Variants in USH2A observed in about 807,000 individuals in gnomAD.
USH2A encodes the protein Usher syndrome 2A (autosomal recessive, mild).
USH2A carries 443 observed loss-of-function variants against 538.9 expected under a neutral mutation model. The observed-to-expected ratio is 0.82, with a 90% CI of 0.76 to 0.89. USH2A has a LOEUF of 0.89. Ranked by LOEUF, USH2A falls within the 40% of genes least tolerant of loss-of-function variation. The pLI is 0.00. For missense variants in USH2A, 6,633 were observed against 6,324.8 expected (o/e 1.05, Z -1.65); for synonymous variants, 2,413 against 2,273.5 (o/e 1.06, Z -1.75).
intron 47 of USH2A, among the ~76,000 whole-genome samples, chr1:215,824,763 C>T (rs1320374986): frequency 6.6e-6 from 1 of 152,082 alleles, no homozygotes; most frequent in Admixed American, 6.6e-5. Flanking sequence ...CTAAGACGGT[C>T]GGGAAACTGT....
At chr1:216,161,583 A>G (rs1434332253) in intron 21 of USH2A, among the ~76,000 whole-genome samples, 1 of 151,956 alleles carries the variant, frequency 6.6e-6, no homozygotes, top group African/African-American at 2.4e-5. Flanking sequence ...ATTACTTTTT[A>G]TTTACACACC....
chr1:216,397,490 G>T (rs1269893165), intron 3 of USH2A, among the ~76,000 whole-genome samples: 1 of 152,106 alleles, frequency 6.6e-6, no homozygotes, highest in Non-Finnish European at 1.5e-5. Flanking sequence ...AATGTAGGTG[G>T]GTACCATCCA....
intron 32 of USH2A, among the ~76,000 whole-genome samples, chr1:216,030,118 T>C (rs1366175683): frequency 2.1e-5 from 3 of 144,774 alleles, no homozygotes; most frequent in South Asian, 2.1e-4. Flanking sequence ...ATATATGGTA[T>C]ATATGATATA....
intron 64 of USH2A, among the ~76,000 whole-genome samples, chr1:215,663,629 T>C (rs1558043103): frequency 6.6e-6 from 1 of 152,154 alleles, no homozygotes; most frequent in Non-Finnish European, 1.5e-5. Flanking sequence ...TGCTCAATCA[T>C]AGTCCTCTGT....
chr1:216,259,105 A>G (rs2036315418), intron 11 of USH2A, among the ~76,000 whole-genome samples: 1 of 152,126 alleles, frequency 6.6e-6, no homozygotes, highest in African/African-American at 2.4e-5. Flanking sequence ...AGCAGCCAAA[A>G]TTGGAATCCT....
intron 38 of USH2A, among the ~76,000 whole-genome samples, chr1:215,918,086 TA>T (rs534990473): frequency 3.3e-5 from 5 of 152,050 alleles, no homozygotes; most frequent in Non-Finnish European, 7.4e-5. Context: ...ACCAAGAAAT[TA>T]AGTGATCTTT....
At chr1:215,699,252 T>A (rs1571968483) in intron 61 of USH2A, among the ~76,000 whole-genome samples, 2 of 152,360 alleles carry the variant, frequency 1.3e-5, no homozygotes, top group African/African-American at 4.8e-5. Context: ...TTAGGTAGCA[T>A]GATGCCTCCA....
At position 216,117,248 on chromosome 1, in the gene USH2A, C is replaced by A. The variant is rs562491604; in HGVS notation, c.4628-20035G>T. Reference sequence around the variant, plus strand: ...CCAGGCCAAGGAATACCTAAACTATCATTATGGTCAGACTGCAATATTTAT... The same window carrying A: ...CCAGGCCAAGGAATACCTAAACTATAATTATGGTCAGACTGCAATATTTAT... On this transcript the variant is annotated intron_variant, in intron 21 of 71. Coordinates refer to ENST00000307340, the MANE Select transcript of USH2A (RefSeq NM_206933.4). Among the ~76,000 whole-genome samples, 5 of 152,230 alleles carry A rather than the reference C, an allele frequency of 3.3e-5. No homozygotes were observed. The East Asian group carries it at 7.7e-4, about 24-fold the overall frequency.
At chr1:215,874,177 G>A (rs11120682) in intron 43 of USH2A, among the ~76,000 whole-genome samples, 28,534 of 152,086 alleles carry the variant, frequency 0.19, 2,824 homozygotes, top group East Asian at 0.33. Context: ...CAGCACGTTC[G>A]CCAGATTTTC....
intron 44 of USH2A, among the ~76,000 whole-genome samples, chr1:215,864,470 T>C (rs1664418051): frequency 6.6e-6 from 1 of 152,180 alleles, no homozygotes; most frequent in African/African-American, 2.4e-5. Flanking sequence ...CACCTGTCTA[T>C]TGGGACCAGG....
chr1:215,965,198 G>A (rs1235671959), intron 37 of USH2A, 119 bp downstream of exon 37: 2 of 1,191,604 alleles, frequency 1.7e-6, no homozygotes, highest in African/African-American at 1.6e-5. Flanking sequence ...TTATTTTCAG[G>A]AAAATAAAGA....
At chr1:215,753,652 G>A (rs1660693248) in intron 58 of USH2A, among the ~76,000 whole-genome samples, 1 of 152,050 alleles carries the variant, frequency 6.6e-6, no homozygotes, top group African/African-American at 2.4e-5. Context: ...CACATACCGG[G>A]GCCTGTTGTG....
chr1:215,626,964 A>G (rs951669904), intron 71 of USH2A, among the ~76,000 whole-genome samples: 1 of 152,242 alleles, frequency 6.6e-6, no homozygotes, highest in Non-Finnish European at 1.5e-5. Context: ...AAATATAATT[A>G]TCCCTGCCTT....
chr1:215,958,494 G>A (rs1369180218), intron 37 of USH2A, among the ~76,000 whole-genome samples: 1 of 152,070 alleles, frequency 6.6e-6, no homozygotes, highest in Admixed American at 6.6e-5. Context: ...TTTAGATGGG[G>A]ATTTATCCCA....
intron 37 of USH2A, among the ~76,000 whole-genome samples, chr1:215,956,704 T>C (rs1293886742): frequency 6.6e-6 from 1 of 152,140 alleles, no homozygotes; most frequent in African/African-American, 2.4e-5. Flanking sequence ...CACAACAGCA[T>C]AGAGTATGCA....
chr1:215,630,526 A>AAG (rs1558029608), intron 70 of USH2A, among the ~76,000 whole-genome samples: 2 of 122,288 alleles, frequency 1.6e-5, no homozygotes, highest in African/African-American at 7.0e-5. Context: ...ATATATATAT[A>AAG]TGAGAGAGAG....
intron 58 of USH2A, among the ~76,000 whole-genome samples, chr1:215,757,735 T>C (rs949221324): frequency 2.6e-5 from 4 of 152,228 alleles, no homozygotes; most frequent in African/African-American, 9.6e-5. Context: ...AAATATAATG[T>C]TGCACTAAGT....
chr1:215,640,307 G>A (rs369705075), intron 68 of USH2A, among the ~76,000 whole-genome samples: 2 of 152,234 alleles, frequency 1.3e-5, no homozygotes, highest in East Asian at 3.9e-4. Context: ...ATCCCTTCCT[G>A]GGGACCCTCC....
intron 22 of USH2A, among the ~76,000 whole-genome samples, chr1:216,094,978 G>GTA (rs2032405463): frequency 7.2e-6 from 1 of 139,088 alleles, no homozygotes; most frequent in Non-Finnish European, 1.5e-5. Context: ...GTGTGTGTGT[G>GTA]TATAGGCATA....
Sources: allele counts gnomAD v4.1 joint callset (sites outside exome capture counted in the v4.1 genomes callset), GRCh38; gene constraint gnomAD v4.1.1; transcripts MANE v1.5; gene names NCBI Gene and HGNC (gene_info 2026-07-23, HGNC 2026-07-21).